BCAS4: variants seen among roughly 807,000 people sequenced by gnomAD.
BCAS4 encodes breast carcinoma amplified sequence 4.
BCAS4 carries 9 observed loss-of-function variants against 15.7 expected under a neutral mutation model. The observed-to-expected ratio is 0.57, with a 90% CI of 0.34 to 1.00. The LOEUF (loss-of-function observed/expected upper bound fraction) is 1.00. BCAS4 is among the 50% of genes least tolerant of loss of function. The probability of loss-of-function intolerance (pLI) is 0.02; values close to 1 mark genes in which losing one functional copy is unlikely to be tolerated. For synonymous variants in BCAS4, 101 were observed against 99.5 expected, an observed-to-expected ratio of 1.02 and a Z score of -0.09; for missense variants, 225 against 239.1, an observed-to-expected ratio of 0.94 and a Z score of 0.39.
At chr20:50,811,406 G>A (rs1014069792) in intron 1 of BCAS4, among the ~76,000 whole-genome samples, 1 of 152,084 alleles carries the variant, frequency 6.6e-6, no homozygotes, top group African/African-American at 2.4e-5. Flanking sequence ...ATAAATGTAT[G>A]ATTTTAAAGT....
At chr20:50,827,785 G>A (rs1350393028) in intron 2 of BCAS4, among the ~76,000 whole-genome samples, 3 of 152,206 alleles carry the variant, frequency 2.0e-5, no homozygotes, top group Non-Finnish European at 4.4e-5. Context: ...GGAGTGCAGT[G>A]GCGCCATCTT....
intron 4 of BCAS4, among the ~76,000 whole-genome samples, chr20:50,852,011 G>A (rs1978456249): frequency 6.6e-6 from 1 of 152,232 alleles, no homozygotes; most frequent in South Asian, 2.1e-4. Context: ...TGATGCTGCT[G>A]GAGTGTTCTG....
chr20:50,846,111 C>CCA (rs1456316450), intron 4 of BCAS4, among the ~76,000 whole-genome samples: 8 of 152,230 alleles, frequency 5.3e-5, no homozygotes, highest in Admixed American at 4.6e-4. Context: ...TGGCACCCAG[C>CCA]CACAAAAATG....
intron 4 of BCAS4, among the ~76,000 whole-genome samples, chr20:50,849,229 C>T (rs964456169): frequency 1.3e-5 from 2 of 152,238 alleles, no homozygotes; most frequent in Non-Finnish European, 2.9e-5. Flanking sequence ...ATTAATTTTT[C>T]TGATGGAGAA....
intron 4 of BCAS4, among the ~76,000 whole-genome samples, chr20:50,846,985 G>A (rs1194274575): frequency 1.3e-5 from 2 of 152,096 alleles, no homozygotes; most frequent in African/African-American, 2.4e-5. Context: ...GAGCCGGCAC[G>A]GGCAGGTTCA....
chr20:50,841,278 G>A (rs554527175), intron 3 of BCAS4, among the ~76,000 whole-genome samples: 4 of 152,240 alleles, frequency 2.6e-5, no homozygotes, highest in African/African-American at 9.6e-5. Flanking sequence ...TTCTGAGTTC[G>A]AATATACAGC....
At chr20:50,826,741 G>A (rs1272336923) in intron 2 of BCAS4, among the ~76,000 whole-genome samples, 1 of 152,104 alleles carries the variant, frequency 6.6e-6, no homozygotes, top group Non-Finnish European at 1.5e-5. Flanking sequence ...GATTGAGGCA[G>A]GAGGATAGCT....
chr20:50,862,327 T>C (rs1979126937), intron 4 of BCAS4, among the ~76,000 whole-genome samples: 1 of 152,204 alleles, frequency 6.6e-6, no homozygotes, highest in Admixed American at 6.5e-5. Context: ...GATGTTCATC[T>C]CTGTTTCCAC....
In BCAS4 at chr20:50,795,130, C is replaced by T. The variant is rs1407846674; in HGVS notation, c.47C>T (p.Ala16Val). The T allele has an allele frequency of 6.8e-7, 1 of 1,478,236 alleles. No individual in the cohort carries two copies. The highest frequency in any genetic ancestry group is 9.0e-7 in the Non-Finnish European group (1 of 1,111,772). 91.6% of individuals were successfully genotyped at this position (1,478,236 alleles called of 1,614,324 possible). A position where few individuals can be genotyped will look rare whatever the true frequency, so the allele number is the denominator to read the frequency against. ...CAGCCGGAGCCCATGCGCAGCGGGG[C>T]GCGCGAGCTCGCGCTCTTCCTGACC... ...ADQPEPMRSG[A>V]RELALFLTPE... The change falls in exon 1 of 5, where the codon GCG becomes GTG. Residue 16 changes from alanine (A) to valine (V), a missense_variant. Ala to Val is a moderately conservative substitution (Grantham distance 64). Transcript: ENST00000371608.
intron 1 of BCAS4, among the ~76,000 whole-genome samples, chr20:50,810,530 T>C (rs770489817): frequency 3.9e-5 from 6 of 152,042 alleles, no homozygotes; most frequent in Non-Finnish European, 7.4e-5. Flanking sequence ...GGAGGTTTCA[T>C]TCTGGTGGGG....
intron 3 of BCAS4, among the ~76,000 whole-genome samples, chr20:50,833,608 AGCCTGG>A (rs1240887215): frequency 6.6e-6 from 1 of 152,218 alleles, no homozygotes; most frequent in Admixed American, 6.5e-5. Flanking sequence ...AGAGCTGCAT[AGCCTGG>A]GTTCAAGTCC....
At chr20:50,840,578 G>C (rs777204969) in intron 3 of BCAS4, 1 of 1,550,376 alleles carries the variant, frequency 6.5e-7, no homozygotes, top group East Asian at 2.2e-5. Context: ...GGCAATGCTT[G>C]TGGAATGTAC....
chr20:50,871,227 A>G (rs977003422), intron 4 of BCAS4, among the ~76,000 whole-genome samples: 4 of 152,192 alleles, frequency 2.6e-5, no homozygotes, highest in Non-Finnish European at 5.9e-5. Context: ...CCCCAGCTCC[A>G]GTGCTCCCTC....
rs115703455 is a variant in BCAS4, at chr20:50,819,545, G to A, written c.162+1263G>A. On this transcript the variant is annotated intron_variant, in intron 2 of 4. Transcript: ENST00000371608. ...TCATTGAACGCCTTTCTTTGTGCCC[G>A]GCACAAAGCCACCCTAGACAGCAGG... Among the ~76,000 whole-genome samples, 1,284 of 152,170 alleles carry A rather than the reference G, an allele frequency of 8.4e-3. 17 individuals carry two copies. Among genetic ancestry groups the A allele is most frequent in the African/African-American group, 0.03 (1,229 of 41,510 alleles).
At chr20:50,865,915 A>G (rs1323865853) in intron 4 of BCAS4, among the ~76,000 whole-genome samples, 1 of 152,100 alleles carries the variant, frequency 6.6e-6, no homozygotes, top group African/African-American at 2.4e-5. Flanking sequence ...AGGGCCCTGG[A>G]GCAGACACAA....
intron 4 of BCAS4, among the ~76,000 whole-genome samples, chr20:50,855,652 C>T (rs184437163): frequency 1.1e-4 from 16 of 152,154 alleles, no homozygotes; most frequent in African/African-American, 7.2e-5. Flanking sequence ...CCAGCCTGGC[C>T]GGCCCAGGCT....
chr20:50,880,610 G>C (rs543509781), downstream of BCAS4: 13 of 152,240 alleles, frequency 8.5e-5, no homozygotes, highest in Non-Finnish European at 1.5e-4. Flanking sequence ...GTGAGCCACC[G>C]AGGCCTGCCA....
chr20:50,799,556 C>A (rs143042108), intron 1 of BCAS4, among the ~76,000 whole-genome samples: 1 of 152,140 alleles, frequency 6.6e-6, no homozygotes, highest in Admixed American at 6.5e-5. Context: ...GCCTGTCTCC[C>A]GGGGGCACTT....
intron 3 of BCAS4, among the ~76,000 whole-genome samples, chr20:50,834,292 CTTT>C (rs74175526): frequency 1.7e-5 from 2 of 121,078 alleles, no homozygotes. Context: ...TCGAACTCTT[CTTT>C]TTTTTTTTTT....
Sources: gnomAD v4.1 joint callset for allele counts (sites outside exome capture counted in the v4.1 genomes callset) on GRCh38, gnomAD v4.1.1 for gene constraint, MANE v1.5 for transcripts, NCBI Gene and HGNC (gene_info 2026-07-23, HGNC 2026-07-21) for gene names.